The following SCP2 variants were observed in gnomAD, a reference collection of about 807,000 sequenced individuals.
The protein encoded by SCP2 is SCP-2/3-oxoacyl-CoA thiolase.
SCP2 carries 48 observed loss-of-function variants against 71.4 expected under a neutral mutation model. That is an observed-to-expected ratio of 0.67 (90% confidence interval 0.53 to 0.86). The LOEUF is 0.86. Among genes scored for constraint, SCP2 ranks in the 40% least tolerant of loss-of-function variants. SCP2 has a pLI of 0.00. For missense variants in SCP2, 560 were observed against 655.6 expected (o/e 0.85, Z 1.59); for synonymous variants, 220 against 218.1 (o/e 1.01, Z -0.08).
chr1:52,979,885 TCCTTC>T (rs913277903), intron 9 of SCP2, among the ~76,000 whole-genome samples: 3 of 152,008 alleles, frequency 2.0e-5, no homozygotes, highest in Non-Finnish European at 1.5e-5. Context: ...TGACTGACCC[TCCTTC>T]CCTCCCTCCC....
chr1:52,950,807 A>G lies in SCP2; in HGVS notation c.252A>G (p.Gly84=). The G allele has an allele frequency of 1.9e-6, 3 of 1,613,636 alleles. No individual in the cohort carries two copies. Among genetic ancestry groups the G allele is most frequent in the Non-Finnish European group, 2.5e-6 (3 of 1,179,578 alleles). Residue 84 remains glycine (G), a synonymous_variant, in exon 4 of 16, where the codon GGA becomes GGG. Coordinates refer to ENST00000371514, the MANE Select transcript of SCP2 (RefSeq NM_002979.5). ...RAIYHSLGMT[G]IPIINVNNNC... ...TCTATCACAGTTTGGGAATGACTGG[A>G]ATTCCTATAATCAATGTCAACAATA... is the stretch of plus-strand genomic sequence containing the variant.
chr1:52,942,422 G>A (rs1654335890), intron 2 of SCP2, among the ~76,000 whole-genome samples: 1 of 152,098 alleles, frequency 6.6e-6, no homozygotes, highest in African/African-American at 2.4e-5. Context: ...AGGATCTACA[G>A]GTGTATGGGT....
At chr1:52,960,524 G>A (rs142223126) in intron 5 of SCP2, among the ~76,000 whole-genome samples, 9,394 of 139,310 alleles carry the variant, frequency 0.067, 544 homozygotes, top group East Asian at 0.2. Flanking sequence ...GTGTGTATAT[G>A]TGTGTATATA....
chr1:52,932,368 C>A (rs1196638330), intron 1 of SCP2, among the ~76,000 whole-genome samples: 1 of 152,158 alleles, frequency 6.6e-6, no homozygotes, highest in African/African-American at 2.4e-5. Context: ...TCCTAGAATT[C>A]TATTCCCTAA....
intron 2 of SCP2, among the ~76,000 whole-genome samples, chr1:52,945,580 G>A (rs1243128757): frequency 1.3e-5 from 2 of 152,004 alleles, no homozygotes; most frequent in Admixed American, 1.3e-4. Flanking sequence ...GTGGGCGCCT[G>A]TAGTCCCAGC....
chr1:52,973,495 A>C (rs1657681883), intron 6 of SCP2, among the ~76,000 whole-genome samples: 1 of 152,242 alleles, frequency 6.6e-6, no homozygotes, highest in Non-Finnish European at 1.5e-5. Flanking sequence ...TCTTTGATCT[A>C]ACAGTCAATT....
At chr1:53,027,654 G>T (rs1191725329) in intron 12 of SCP2, among the ~76,000 whole-genome samples, 1 of 151,952 alleles carries the variant, frequency 6.6e-6, no homozygotes, top group Non-Finnish European at 1.5e-5. Flanking sequence ...ACAGGCATGC[G>T]CCATCATGCC....
chr1:52,987,893 T>A (rs572122881), intron 10 of SCP2, 136 bp from the exon 11 acceptor site: 1 of 646,794 alleles, frequency 1.5e-6, no homozygotes, highest in East Asian at 2.8e-5. Context: ...AGTGCTTATG[T>A]CAAATTATTG....
chr1:52,965,739 A>C (rs1656894317), intron 6 of SCP2, among the ~76,000 whole-genome samples: 1 of 151,468 alleles, frequency 6.6e-6, no homozygotes. Context: ...GATTCAAGCG[A>C]TTCTCCTGCC....
intron 5 of SCP2, among the ~76,000 whole-genome samples, chr1:52,960,141 G>T (rs2150139779): frequency 6.6e-6 from 1 of 152,022 alleles, no homozygotes; most frequent in Admixed American, 6.6e-5. Context: ...CCGCCCGCCT[G>T]GCCTCCCAAA....
chr1:53,029,993 A>G (rs1229287130), intron 13 of SCP2, among the ~76,000 whole-genome samples: 1 of 151,860 alleles, frequency 6.6e-6, no homozygotes, highest in African/African-American at 2.4e-5. Flanking sequence ...GGTTCAAGCG[A>G]TTCTCGTGCC....
intron 10 of SCP2, among the ~76,000 whole-genome samples, chr1:52,982,634 C>T (rs1658639014): frequency 6.6e-6 from 1 of 152,088 alleles, no homozygotes; most frequent in Non-Finnish European, 1.5e-5. Context: ...TATAGTATGC[C>T]TCCTTAAGCG....
intron 11 of SCP2, among the ~76,000 whole-genome samples, chr1:52,988,729 AGGCTGGAAAGAAGT>A (rs1659213948): frequency 7.0e-6 from 1 of 142,826 alleles, no homozygotes; most frequent in Non-Finnish European, 1.5e-5. Context: ...TCTGTTGCCC[AGGCTGGAAAGAAGT>A]GGCACAATTT....
At position 52,974,751 on chromosome 1, in the gene SCP2, T is replaced by C. The variant is rs751962021; in HGVS notation, c.524-18T>C. 7 of 1,375,230 alleles carry C rather than the reference T, an allele frequency of 5.1e-6. No homozygotes were observed. The highest frequency in any genetic ancestry group is 5.0e-5 in the Admixed American group (3 of 59,690). The allele number at this position is 1,375,230 out of a possible 1,614,324, so 85.2% of individuals were successfully genotyped here. A position where few individuals can be genotyped will look rare whatever the true frequency, so the allele number is the denominator to read the frequency against. On this transcript the variant is annotated intron_variant, in intron 6 of 15. Coordinates refer to ENST00000371514, the MANE Select transcript of SCP2 (RefSeq NM_002979.5). ...GGAAAAACATTCACCCACTGGTAGA[T>C]GTTTGCTTTCTTTACAGGAACAAAA...
intron 1 of SCP2, among the ~76,000 whole-genome samples, chr1:52,930,155 A>G (rs145327295): frequency 6.6e-6 from 1 of 152,344 alleles, no homozygotes; most frequent in Non-Finnish European, 1.5e-5. Context: ...CATGTAATTT[A>G]GCACTTCAGT....
intron 11 of SCP2, among the ~76,000 whole-genome samples, chr1:53,005,260 G>A (rs1401436075): frequency 6.6e-6 from 1 of 152,206 alleles, no homozygotes; most frequent in Non-Finnish European, 1.5e-5. Flanking sequence ...CTGTCTGACA[G>A]CTTTGAAGAG....
At chr1:52,944,573 C>G (rs1349560828) in intron 2 of SCP2, among the ~76,000 whole-genome samples, 3 of 152,042 alleles carry the variant, frequency 2.0e-5, no homozygotes, top group African/African-American at 7.2e-5. Context: ...GTGGGAGATG[C>G]TTTGATCAGC....
At position 52,956,160 on chromosome 1, in the gene SCP2, C is replaced by T. The variant is rs150982038; in HGVS notation, c.396+1356C>T. 7.7e-3 allele frequency among the ~76,000 whole-genome samples: 1,171 copies of T among 152,052 alleles called. 9 individuals are homozygous for T. Among genetic ancestry groups the T allele is most frequent in the African/African-American group, 0.025 (1,043 of 41,468 alleles). On this transcript the variant is annotated intron_variant, in intron 5 of 15. Transcript: ENST00000371514. The stretch of plus-strand genomic sequence containing the variant: ...TCTACTAAAAATACAAAAAATTAGC[C>T]GGGTGTGGTGATATGCGCCCGTAAT...
At chr1:52,972,512 C>T (rs538451309) in intron 6 of SCP2, among the ~76,000 whole-genome samples, 2 of 152,212 alleles carry the variant, frequency 1.3e-5, no homozygotes, top group Non-Finnish European at 2.9e-5. Context: ...TTTAGCCACC[C>T]TTCTTCCTAC....
Sources: allele counts gnomAD v4.1 joint callset (sites outside exome capture counted in the v4.1 genomes callset), GRCh38; gene constraint gnomAD v4.1.1; transcripts MANE v1.5; gene names NCBI Gene and HGNC (gene_info 2026-07-23, HGNC 2026-07-21).